The following IQCM variants were observed in gnomAD, a reference collection of about 807,000 sequenced individuals.
IQCM encodes IQ domain-containing protein M.
In IQCM, 45 loss-of-function variants were observed where a neutral mutation model predicts 57.6. The observed-to-expected ratio is 0.78, with a 90% CI of 0.62 to 1.00. The LOEUF (loss-of-function observed/expected upper bound fraction) is 1.00. Among genes scored for constraint, IQCM ranks in the 50% least tolerant of loss-of-function variants. The pLI is 0.00. For synonymous variants in IQCM, 148 were observed against 158.9 expected (o/e 0.93, Z 0.51); for missense variants, 468 against 511.6 (o/e 0.91, Z 0.82).
chr4:149,401,759 AT>A (rs1732633800), intron 13 of IQCM, among the ~76,000 whole-genome samples: 1 of 151,794 alleles, frequency 6.6e-6, no homozygotes, highest in Non-Finnish European at 1.5e-5. Context: ...AGAGTAATGA[AT>A]CTGTTTCTGA....
At chr4:149,689,540 T>G (rs1005419947) in intron 5 of IQCM, among the ~76,000 whole-genome samples, 2 of 151,916 alleles carry the variant, frequency 1.3e-5, no homozygotes, top group African/African-American at 4.8e-5. Flanking sequence ...ACTTAAAGTA[T>G]AATAATAAAA....
intron 12 of IQCM, among the ~76,000 whole-genome samples, chr4:149,510,068 T>G (rs1312224013): frequency 6.6e-6 from 1 of 152,158 alleles, no homozygotes; most frequent in Admixed American, 6.5e-5. Context: ...GCCAACATGA[T>G]TTCCACAAAA....
intron 13 of IQCM, among the ~76,000 whole-genome samples, chr4:149,354,794 A>G (rs1322486319): frequency 1.3e-5 from 2 of 152,162 alleles, no homozygotes; most frequent in Non-Finnish European, 2.9e-5. Flanking sequence ...AAAGGACCCA[A>G]AACTATATGT....
chr4:149,618,487 CA>C (rs1411077390), intron 8 of IQCM, among the ~76,000 whole-genome samples: 1 of 151,928 alleles, frequency 6.6e-6, no homozygotes, highest in Non-Finnish European at 1.5e-5. Context: ...GCAATGAAAA[CA>C]AAAATGGACA....
At chr4:149,355,971 G>T (rs1728945584) in intron 13 of IQCM, among the ~76,000 whole-genome samples, 1 of 152,134 alleles carries the variant, frequency 6.6e-6, no homozygotes, top group African/African-American at 2.4e-5. Flanking sequence ...CTGTGGTTTT[G>T]ATTTGCATTT....
chr4:149,539,800 G>T (rs1747670872), intron 12 of IQCM, among the ~76,000 whole-genome samples: 1 of 152,072 alleles, frequency 6.6e-6, no homozygotes, highest in African/African-American at 2.4e-5. Context: ...AGGAGGTGGG[G>T]GTTGCAGTGA....
intron 9 of IQCM, among the ~76,000 whole-genome samples, chr4:149,579,934 A>G (rs1462202549): frequency 6.6e-6 from 1 of 151,832 alleles, no homozygotes; most frequent in Non-Finnish European, 1.5e-5. Context: ...AAGTCATCTT[A>G]GGAATTGACA....
chr4:149,613,616 T>G (rs112199428), intron 8 of IQCM, among the ~76,000 whole-genome samples: 6 of 152,182 alleles, frequency 3.9e-5, no homozygotes, highest in African/African-American at 1.4e-4. Context: ...ATGTGCACAA[T>G]GTGCAGGTTA....
intron 2 of IQCM, among the ~76,000 whole-genome samples, chr4:149,801,011 C>G (rs1773554018): frequency 6.6e-6 from 1 of 151,870 alleles, no homozygotes; most frequent in South Asian, 2.1e-4. Flanking sequence ...ACAAAAGACT[C>G]CGAATAGCCA....
chr4:149,754,555 G>A (rs1389764314), intron 2 of IQCM, among the ~76,000 whole-genome samples: 1 of 152,114 alleles, frequency 6.6e-6, no homozygotes, highest in Non-Finnish European at 1.5e-5. Flanking sequence ...CCTCATCTTA[G>A]CCGACCTGTT....
intron 13 of IQCM, among the ~76,000 whole-genome samples, chr4:149,401,325 A>G (rs969698744): frequency 4.0e-5 from 6 of 151,834 alleles, no homozygotes; most frequent in Non-Finnish European, 8.8e-5. Context: ...AAATTCATAT[A>G]TATTATTTAG....
At chr4:149,643,382 T>C (rs1194726123) in intron 7 of IQCM, among the ~76,000 whole-genome samples, 1 of 152,170 alleles carries the variant, frequency 6.6e-6, no homozygotes, top group Non-Finnish European at 1.5e-5. Flanking sequence ...TTGTGCTAAG[T>C]GTTATCATAG....
At chr4:149,479,394 T>C (rs1320167131) in intron 12 of IQCM, among the ~76,000 whole-genome samples, 1 of 152,194 alleles carries the variant, frequency 6.6e-6, no homozygotes, top group Non-Finnish European at 1.5e-5. Flanking sequence ...ATAATACCAA[T>C]GATAATAATT....
At chr4:149,800,031 C>A (rs2150046937) in intron 2 of IQCM, among the ~76,000 whole-genome samples, 1 of 151,596 alleles carries the variant, frequency 6.6e-6, no homozygotes, top group African/African-American at 2.4e-5. Context: ...CAAAACCAGA[C>A]AAAGATACCA....
intron 2 of IQCM, among the ~76,000 whole-genome samples, chr4:149,811,589 T>G (rs188358741): frequency 6.6e-6 from 1 of 152,270 alleles, no homozygotes; most frequent in Admixed American, 6.5e-5. Context: ...TCTCTTTCTC[T>G]TTTCCTCTCT....
At chr4:149,578,664 T>C (rs1323273110) in intron 9 of IQCM, among the ~76,000 whole-genome samples, 1 of 151,808 alleles carries the variant, frequency 6.6e-6, no homozygotes, top group African/African-American at 2.4e-5. Flanking sequence ...ATCCCTAGAA[T>C]AGGGACTTTA....
intron 12 of IQCM, among the ~76,000 whole-genome samples, chr4:149,529,315 T>G (rs898284434): frequency 6.6e-6 from 1 of 152,190 alleles, no homozygotes; most frequent in Admixed American, 6.5e-5. Context: ...TCTGCGGGCC[T>G]TGGCCTCCCA....
intron 9 of IQCM, among the ~76,000 whole-genome samples, chr4:149,573,455 G>A (rs1038121863): frequency 1.3e-5 from 2 of 151,680 alleles, no homozygotes; most frequent in African/African-American, 2.4e-5. Context: ...AAAAACATTA[G>A]GTTGTAAAGA....
At chr4:149,453,377 A>G (rs1737343303) in intron 12 of IQCM, among the ~76,000 whole-genome samples, 1 of 151,806 alleles carries the variant, frequency 6.6e-6, no homozygotes, top group Non-Finnish European at 1.5e-5. Flanking sequence ...ACAAAAACAA[A>G]AACGAAAAAG....
Sources: allele counts gnomAD v4.1 joint callset (sites outside exome capture counted in the v4.1 genomes callset), GRCh38; gene constraint gnomAD v4.1.1; transcripts MANE v1.5; gene names NCBI Gene and HGNC (gene_info 2026-07-23, HGNC 2026-07-21).